DBI: variants seen among roughly 807,000 people sequenced by gnomAD.
DBI encodes acyl-CoA-binding protein.
Under a neutral mutation model 13.0 loss-of-function variants are expected in DBI, and 12 were observed. The observed-to-expected ratio is 0.92, with a 90% CI of 0.59 to 1.49. The LOEUF (loss-of-function observed/expected upper bound fraction) is 1.49. Among genes scored for constraint, DBI ranks in the 40% most tolerant of loss-of-function variants. The pLI is 0.00. For missense variants in DBI, 95 were observed against 104.8 expected (o/e 0.91, Z 0.41); for synonymous variants, 37 against 37.4 (o/e 0.99, Z 0.04).
At position 119,368,207 on chromosome 2, in the gene DBI, CA is replaced by C; in HGVS notation, c.30del (p.Glu11ArgfsTer30). MSQAEFEKA[A>X]EEVRHLKTKP... is the part of the protein sequence containing the mutation. ...ATTTAGGCTGAGTTTGAGAAAGCTG[CA>C]GAGGAGGTTAGGCACCTTAAGACCA... On this transcript the variant is annotated frameshift_variant, in exon 2 of 4. Transcript: ENST00000355857. LOFTEE classifies it high-confidence loss of function. 1.2e-6 allele frequency: 2 copies of C among 1,613,596 alleles called. No homozygotes were observed. Among genetic ancestry groups the C allele is most frequent in the Non-Finnish European group, 1.7e-6 (2 of 1,179,976 alleles).
chr2:119,371,882 C>T (rs376910471), intron 3 of DBI, among the ~76,000 whole-genome samples: 11 of 152,330 alleles, frequency 7.2e-5, no homozygotes, highest in East Asian at 1.9e-4. Flanking sequence ...ATATCAGCCA[C>T]GAGAGTTAGC....
At chr2:119,368,020 T>C in intron 1 of DBI, 168 bp from the exon 2 acceptor site, 1 of 1,577,824 alleles carries the variant, frequency 6.3e-7, no homozygotes, top group Non-Finnish European at 8.7e-7. Context: ...CTAGCTGCCC[T>C]GTTGGGGCAG....
In DBI at chr2:119,368,612, A is replaced by C. The variant is rs548256914; in HGVS notation, c.127+307A>C. On this transcript the variant is annotated intron_variant, in intron 2 of 3. Coordinates refer to ENST00000355857, the MANE Select transcript of DBI (RefSeq NM_001079862.4). ...TGAAGGCTCTCAGCTCAGTAGTATC[A>C]TTGTTGAGCCGTTCAGCTTCTGCCC... 7 of 286,416 alleles carry C rather than the reference A, an allele frequency of 2.4e-5. No homozygotes were observed. In the South Asian group the frequency reaches 3.3e-4, roughly 14 times the overall value. The allele number at this position is 286,416 out of a possible 1,614,324, so 17.7% of individuals were successfully genotyped here. A position where few individuals can be genotyped will look rare whatever the true frequency, so the allele number is the denominator to read the frequency against.
chr2:119,368,350 G>T, intron 2 of DBI, 45 bp downstream of exon 2: 2 of 1,424,838 alleles, frequency 1.4e-6, no homozygotes, highest in Non-Finnish European at 2.0e-6. Context: ...ATCAAAGCAG[G>T]CTCAGCAGCT....
rs1385689642 is a variant in DBI, at chr2:119,367,010, C to A, written c.-42C>A. 1 of 1,613,482 alleles carries A rather than the reference C, an allele frequency of 6.2e-7. No homozygotes were observed. Among genetic ancestry groups the A allele is most frequent in the Admixed American group, 1.7e-5 (1 of 59,980 alleles). ...CTGGGCGATCGCTTCCTGGTCCTCGCCTCCTCCGCTGTCTCCCTGGAGTTC... is the reference window on the plus strand; with the variant it reads ...CTGGGCGATCGCTTCCTGGTCCTCGACTCCTCCGCTGTCTCCCTGGAGTTC... On this transcript the variant is annotated 5_prime_UTR_variant, in exon 1 of 4. Coordinates refer to ENST00000355857, the MANE Select transcript of DBI (RefSeq NM_001079862.4).
rs770800963 is a variant in DBI, at chr2:119,368,240, C to T, written c.62C>T (p.Ser21Leu). ...GTTAGGCACCTTAAGACCAAGCCAT[C>T]GGATGAGGAGATGCTGTTCATCTAT... ...EEVRHLKTKP[S>L]DEEMLFIYGH... The change falls in exon 2 of 4, where the codon TCG becomes TTG. Residue 21 changes from serine (S) to leucine (L), a missense_variant. Physicochemically the swap from Ser to Leu is moderately radical, Grantham distance 145 (BLOSUM62 -2). Transcript: ENST00000355857. The T allele has an allele frequency of 2.7e-5, 44 of 1,613,942 alleles. No homozygotes were observed. The South Asian group carries it at 4.0e-4, about 14-fold the overall frequency.
chr2:119,369,658 T>G (rs1207074318), intron 2 of DBI, among the ~76,000 whole-genome samples: 4 of 152,058 alleles, frequency 2.6e-5, no homozygotes, highest in African/African-American at 9.7e-5. Context: ...TGGTGGCATA[T>G]GCCTGTAGTC....
rs1237033928 is a variant in DBI, at chr2:119,368,242, G to C, written c.64G>C (p.Asp22His). The C allele has an allele frequency of 2.5e-6, 4 of 1,613,978 alleles. No homozygotes were observed. In the Admixed American group the frequency reaches 6.7e-5, roughly 27 times the overall value. The change falls in exon 2 of 4, where the codon GAT becomes CAT. Residue 22 changes from aspartate to histidine, a missense_variant. Coordinates refer to ENST00000355857, the MANE Select transcript of DBI (RefSeq NM_001079862.4). Reference sequence around the variant, plus strand: ...TAGGCACCTTAAGACCAAGCCATCGGATGAGGAGATGCTGTTCATCTATGG... The same window carrying C: ...TAGGCACCTTAAGACCAAGCCATCGCATGAGGAGATGCTGTTCATCTATGG... ...EVRHLKTKPS[D>H]EEMLFIYGHY...
chr2:119,367,099 G>C (rs754949295), intron 1 of DBI, 39 bp downstream of exon 1: 2 of 1,612,714 alleles, frequency 1.2e-6, no homozygotes, highest in East Asian at 4.5e-5. Flanking sequence ...AGGTGCAGCG[G>C]GCGGGAGGCC....
At position 119,372,369 on chromosome 2, in the gene DBI, G is replaced by A. The variant is rs1276959271; in HGVS notation, c.*51G>A. The A allele has an allele frequency of 7.0e-7, 1 of 1,419,850 alleles. No individual in the cohort carries two copies. The highest frequency in any genetic ancestry group is 1.2e-5 in the South Asian group (1 of 86,570). 88.0% of individuals were successfully genotyped at this position (1,419,850 alleles called of 1,614,324 possible). On this transcript the variant is annotated 3_prime_UTR_variant, in exon 4 of 4. Coordinates refer to ENST00000355857, the MANE Select transcript of DBI (RefSeq NM_001079862.4). ...TGTGTTTATCCTAAACTGAGACAATGCCTTGTTTTTTTCTAATACCGTGGA... is the reference window on the plus strand; with the variant it reads ...TGTGTTTATCCTAAACTGAGACAATACCTTGTTTTTTTCTAATACCGTGGA...
chr2:119,367,100 G>A (rs1001166293), intron 1 of DBI, 40 bp downstream of exon 1: 1 of 1,612,670 alleles, frequency 6.2e-7, no homozygotes, highest in East Asian at 2.2e-5. Flanking sequence ...GGTGCAGCGG[G>A]CGGGAGGCCC....
chr2:119,367,587 GT>G, intron 1 of DBI: 1 of 1,614,112 alleles, frequency 6.2e-7, no homozygotes, highest in South Asian at 1.1e-5. Flanking sequence ...ACCGAGCTAT[GT>G]GGGGCGACCT....
intron 3 of DBI, among the ~76,000 whole-genome samples, chr2:119,371,160 A>T (rs1469053341): frequency 6.6e-6 from 1 of 152,044 alleles, no homozygotes; most frequent in Non-Finnish European, 1.5e-5. Context: ...CCAGGCGGTG[A>T]CCCCCTAACC....
At chr2:119,367,267 C>A in intron 1 of DBI, 1 of 1,437,600 alleles carries the variant, frequency 7.0e-7, no homozygotes. Flanking sequence ...CACCCCGCAA[C>A]TGCCGGAAAG....
intron 2 of DBI, among the ~76,000 whole-genome samples, chr2:119,369,181 G>A (rs3769662): frequency 0.096 from 14,540 of 152,244 alleles, 934 homozygotes; most frequent in African/African-American, 0.18. Context: ...GCGAAGGTGA[G>A]TTTTACAGTG....
intron 2 of DBI, 82 bp downstream of exon 2, chr2:119,368,387 C>G: frequency 1.0e-6 from 1 of 1,002,752 alleles, no homozygotes; most frequent in Non-Finnish European, 1.6e-6. Flanking sequence ...GGGAACTTCA[C>G]TCTCAAACTG....
chr2:119,368,293 G>C lies in DBI; in HGVS notation c.115G>C (p.Asp39His), dbSNP rs8192504. ...YGHYKQATVG[D>H]INTERPGMLD... The stretch of plus-strand genomic sequence containing the variant: ...CCACTACAAACAAGCAACTGTGGGC[G>C]ACATAAATACAGGTATGCAGAGCGG... The change falls in exon 2 of 4, where the codon GAC becomes CAC. Residue 39 changes from aspartate to histidine, a missense_variant. Asp to His is a moderately conservative substitution (Grantham distance 81). Transcript: ENST00000355857. The C allele has an allele frequency of 6.2e-7, 1 of 1,613,036 alleles. No homozygotes were observed. The highest frequency in any genetic ancestry group is 1.1e-5 in the South Asian group (1 of 91,054).
In DBI at chr2:119,372,301, A is replaced by G. The variant is rs375121791; in HGVS notation, c.247A>G (p.Lys83Glu). Residue 83 changes from lysine (K) to glutamate (E), a missense_variant, in exon 4 of 4, where the codon AAA becomes GAA. Lys to Glu is a moderately conservative substitution (Grantham distance 56). Transcript: ENST00000355857. The stretch of plus-strand genomic sequence containing the variant: ...CATCAACAAAGTAGAAGAGCTAAAG[A>G]AAAAATACGGGATATGAGAGACTGG... ...AYINKVEELK[K>E]KYGI 72 of 1,613,064 alleles carry G rather than the reference A, an allele frequency of 4.5e-5. No individual in the cohort carries two copies. Among genetic ancestry groups the G allele is most frequent in the African/African-American group, 2.9e-4 (22 of 75,040 alleles).
chr2:119,367,098 G>A (rs751262034), intron 1 of DBI, 38 bp downstream of exon 1: 7 of 1,612,754 alleles, frequency 4.3e-6, no homozygotes, highest in Middle Eastern at 1.7e-4. Flanking sequence ...AAGGTGCAGC[G>A]GGCGGGAGGC....
Sources: gnomAD v4.1 joint callset for allele counts (sites outside exome capture counted in the v4.1 genomes callset) on GRCh38, gnomAD v4.1.1 for gene constraint, MANE v1.5 for transcripts, NCBI Gene and HGNC (gene_info 2026-07-23, HGNC 2026-07-21) for gene names.